SPATA3: variants seen among roughly 807,000 people sequenced by gnomAD.
SPATA3 encodes the protein spermatogenesis-associated protein 3.
A neutral mutation model predicts 5.7 loss-of-function variants in SPATA3; 6 were observed. The ratio of observed to expected loss-of-function variants is 1.06; its 90% CI spans 0.58 to 2.09. The LOEUF is 2.09. Among genes scored for constraint, SPATA3 ranks in the 30% most tolerant of loss-of-function variants. The pLI is 0.00. For synonymous variants in SPATA3, 44 were observed against 48.4 expected (o/e 0.91, Z 0.37); for missense variants, 155 against 130.4 (o/e 1.19, Z -0.92).
chr2:231,008,531 C>T (rs143958690), downstream of SPATA3, among the ~76,000 whole-genome samples: 687 of 152,262 alleles, frequency 4.5e-3, 6 homozygotes, highest in African/African-American at 0.016. Context: ...ATGGGCCAGG[C>T]TGGAGCCCAT....
chr2:231,007,431 C>T (rs1025797546), downstream of SPATA3: 24 of 152,192 alleles, frequency 1.6e-4, no homozygotes, highest in African/African-American at 5.6e-4. Context: ...GGGCCACAGA[C>T]CCCCGGTGGA....
chr2:231,007,887 A>G (rs1462013800), downstream of SPATA3, among the ~76,000 whole-genome samples: 1 of 152,218 alleles, frequency 6.6e-6, no homozygotes, highest in African/African-American at 2.4e-5. Context: ...GCTCATGCCT[A>G]TAATTCCAAG....
At chr2:231,003,115 C>A (rs970458616), downstream of SPATA3, among the ~76,000 whole-genome samples, 1 of 152,202 alleles carries the variant, frequency 6.6e-6, no homozygotes, top group Non-Finnish European at 1.5e-5. Flanking sequence ...CATCTCGGAC[C>A]TTTCTTGGAA....
chr2:231,002,700 C>A (rs1165848497), exon 3 of SPATA3: 7 of 1,518,986 alleles, frequency 4.6e-6, no homozygotes, highest in Non-Finnish European at 6.2e-6. Flanking sequence ...TTCAAGAAAA[C>A]CCTCCAGTCA....
intron 2 of SPATA3, among the ~76,000 whole-genome samples, chr2:231,001,373 C>A (rs1692346879): frequency 6.6e-6 from 1 of 152,152 alleles, no homozygotes; most frequent in Admixed American, 6.5e-5. Flanking sequence ...GACCTCACAC[C>A]CCCACCCCAG....
chr2:231,007,810 A>T (rs13413140), downstream of SPATA3, among the ~76,000 whole-genome samples: 1 of 151,970 alleles, frequency 6.6e-6, no homozygotes, highest in East Asian at 1.9e-4. Flanking sequence ...ATCTTAGTTC[A>T]AGGTGATCCC....
In SPATA3 at chr2:231,000,908, C is replaced by T. The variant is rs548922216; in HGVS notation, c.962+371C>T. The stretch of plus-strand genomic sequence containing the variant: ...TGTGTTTAAACACTGTTTGGCCATG[C>T]ACCTCCGTGGGCCCTCAGTGGCCTG... On this transcript the variant is annotated intron_variant, in intron 2 of 2. Coordinates refer to ENST00000645363, the Ensembl canonical transcript of SPATA3. Among the ~76,000 whole-genome samples, 4 of 152,356 alleles carry T rather than the reference C, an allele frequency of 2.6e-5. No individual in the cohort carries two copies. The East Asian group carries it at 7.7e-4, about 29-fold the overall frequency.
At chr2:230,997,743 T>C (rs939192007) in intron 1 of SPATA3, among the ~76,000 whole-genome samples, 8 of 152,198 alleles carry the variant, frequency 5.3e-5, no homozygotes, top group African/African-American at 1.7e-4. Flanking sequence ...AAGCATTGGA[T>C]TGTGTAGAGG....
rs1262295779 is a variant in SPATA3, at chr2:230,997,683, G to A, written c.791-2683G>A. Among the ~76,000 whole-genome samples the A allele has an allele frequency of 3.9e-5, 6 of 152,218 alleles. No individual in the cohort carries two copies. The East Asian group carries it at 1.2e-3, about 29-fold the overall frequency. The stretch of plus-strand genomic sequence containing the variant: ...AGCTCTGTCTGAAAATGGAATGGCT[G>A]TCAGGAAAAGTGGTTCCCTGTCTTC... On this transcript the variant is annotated intron_variant, in intron 1 of 2. Coordinates refer to ENST00000645363, the Ensembl canonical transcript of SPATA3.
At chr2:231,010,633 T>G (rs2125119212), downstream of SPATA3, among the ~76,000 whole-genome samples, 1 of 152,292 alleles carries the variant, frequency 6.6e-6, no homozygotes, top group South Asian at 2.1e-4. Context: ...GAGATGGGAC[T>G]GAGAGATAGG....
intron 1 of SPATA3, chr2:230,999,641 G>A (rs1692269644): frequency 6.0e-6 from 1 of 167,668 alleles, no homozygotes; most frequent in Admixed American, 6.5e-5. Context: ...CAACCACAGA[G>A]GGCATCATCT....
chr2:230,997,283 C>T (rs117467125), intron 1 of SPATA3, among the ~76,000 whole-genome samples: 1 of 152,164 alleles, frequency 6.6e-6, no homozygotes, highest in Non-Finnish European at 1.5e-5. Flanking sequence ...TTTCCCTGCA[C>T]AAACTCTCTT....
chr2:231,007,301 A>G (rs1480400074), downstream of SPATA3: 1 of 152,116 alleles, frequency 6.6e-6, no homozygotes, highest in African/African-American at 2.4e-5. Flanking sequence ...TTTCTTTAGC[A>G]TGTTTTACTT....
chr2:231,007,267 A>G (rs1353438450), downstream of SPATA3: 2 of 152,158 alleles, frequency 1.3e-5, no homozygotes, highest in Admixed American at 6.5e-5. Context: ...AAAATTTAAA[A>G]AAAGAAAAAA....
chr2:231,015,103 G>A (rs1251908779), intron 6 of SPATA3, among the ~76,000 whole-genome samples: 2 of 149,536 alleles, frequency 1.3e-5, no homozygotes, highest in Admixed American at 1.3e-4. Flanking sequence ...GAGAGCACCA[G>A]CAAACCCTAC....
At chr2:230,997,902 C>A (rs1692189080) in intron 1 of SPATA3, among the ~76,000 whole-genome samples, 1 of 152,218 alleles carries the variant, frequency 6.6e-6, no homozygotes, top group South Asian at 2.1e-4. Context: ...TATAAAAGTT[C>A]TTCCATATTA....
chr2:230,998,374 G>T (rs1692209845), intron 1 of SPATA3, among the ~76,000 whole-genome samples: 1 of 152,148 alleles, frequency 6.6e-6, no homozygotes, highest in African/African-American at 2.4e-5. Context: ...ACATTTCTGG[G>T]TTATGATCTT....
chr2:231,001,835 G>A (rs1357527378), intron 2 of SPATA3, among the ~76,000 whole-genome samples: 1 of 152,174 alleles, frequency 6.6e-6, no homozygotes, highest in Non-Finnish European at 1.5e-5. Context: ...AAAGAGCCTT[G>A]TGTCCTCTAG....
intron 1 of SPATA3, among the ~76,000 whole-genome samples, chr2:230,998,428 T>C (rs1574655462): frequency 6.6e-6 from 1 of 152,210 alleles, no homozygotes; most frequent in African/African-American, 2.4e-5. Context: ...AGACTTTCCA[T>C]TCCCAAGTCT....
Sources: gnomAD v4.1 joint callset for allele counts (sites outside exome capture counted in the v4.1 genomes callset) on GRCh38, gnomAD v4.1.1 for gene constraint, MANE v1.5 for transcripts, NCBI Gene and HGNC (gene_info 2026-07-23, HGNC 2026-07-21) for gene names.